Variants in HMGA2 observed in about 807,000 individuals in gnomAD.
HMGA2 encodes the protein high mobility group AT-hook 2, also known as high mobility group protein HMGI-C.
Under a neutral mutation model 19.1 loss-of-function variants are expected in HMGA2, and 8 were observed. The ratio of observed to expected loss-of-function variants is 0.42; its 90% CI spans 0.25 to 0.76. The LOEUF (loss-of-function observed/expected upper bound fraction) is 0.76. Among genes scored for constraint, HMGA2 ranks in the 30% least tolerant of loss-of-function variants. The pLI is 0.28. For missense variants in HMGA2, 109 were observed against 136.3 expected (o/e 0.80, Z 1.00); for synonymous variants, 60 against 48.8 (o/e 1.23, Z -0.96).
At position 65,881,848 on chromosome 12, in the gene HMGA2, C is replaced by T. The variant is rs1426099074; in HGVS notation, c.249+43279C>T. The T allele has an allele frequency of 1.4e-5, 10 of 703,044 alleles. No individual in the cohort carries two copies. The African/African-American group carries it at 1.6e-4, about 11-fold the overall frequency. The allele number at this position is 703,044 out of a possible 1,614,324, so 43.6% of individuals were successfully genotyped here. A position where few individuals can be genotyped will look rare whatever the true frequency, so the allele number is the denominator to read the frequency against. On this transcript the variant is annotated intron_variant, in intron 3 of 4. Coordinates refer to ENST00000403681, the MANE Select transcript of HMGA2 (RefSeq NM_003483.6). ...CAGACACATTCCCTTCCTTGAACTG[C>T]ACTCTTTTCCCTTGCACTCAGAGGT...
intron 3 of HMGA2, among the ~76,000 whole-genome samples, chr12:65,926,625 A>G (rs1875514059): frequency 6.6e-6 from 1 of 152,266 alleles, no homozygotes; most frequent in African/African-American, 2.4e-5. Flanking sequence ...AAAGTTGTTT[A>G]ATCATTAAAC....
In HMGA2 at chr12:65,824,713, T is replaced by TTCTCTCTCTCTCTG. The variant is rs1870023987; in HGVS notation, c.-545_-544insGTCTCTCTCTCTCT. 8 of 145,148 alleles carry TTCTCTCTCTCTCTG rather than the reference T, an allele frequency of 5.5e-5. No homozygotes were observed. The highest frequency in any genetic ancestry group is 2.7e-4 in the African/African-American group (8 of 29,330). 9.0% of individuals were successfully genotyped at this position (145,148 alleles called of 1,614,324 possible). Reference sequence around the variant, plus strand: ...CCAAGGCACTTTCAATCTCAATCTCTTCTCTCTCTCTCTCTCTCTCTCTCT... The same window carrying TTCTCTCTCTCTCTG: ...CCAAGGCACTTTCAATCTCAATCTCTTCTCTCTCTCTCTGTCTCTCTCTCTCTCTCTCTCTCTCT... On this transcript the variant is annotated 5_prime_UTR_variant, in exon 1 of 5. Transcript: ENST00000403681.
intron 3 of HMGA2, among the ~76,000 whole-genome samples, chr12:65,862,115 G>A (rs997424906): frequency 6.6e-6 from 1 of 152,066 alleles, no homozygotes; most frequent in African/African-American, 2.4e-5. Flanking sequence ...AAAGTGCTGG[G>A]ATTACAGGTG....
At position 65,881,833 on chromosome 12, in the gene HMGA2, CCCTT is replaced by C. The variant is rs1249242250; in HGVS notation, c.249+43269_249+43272del. 4 of 702,934 alleles carry C rather than the reference CCCTT, an allele frequency of 5.7e-6. No homozygotes were observed. The Admixed American group carries it at 8.0e-5, about 14-fold the overall frequency. 43.5% of individuals were successfully genotyped at this position (702,934 alleles called of 1,614,324 possible). A position where few individuals can be genotyped will look rare whatever the true frequency, so the allele number is the denominator to read the frequency against. On this transcript the variant is annotated intron_variant, in intron 3 of 4. Coordinates refer to ENST00000403681, the MANE Select transcript of HMGA2 (RefSeq NM_003483.6). ...CAAGTGGTGGGATGACAGACACATT[CCCTT>C]CCTTGAACTGCACTCTTTTCCCTTG...
chr12:65,917,083 G>A (rs1234206433), intron 3 of HMGA2, among the ~76,000 whole-genome samples: 1 of 152,204 alleles, frequency 6.6e-6, no homozygotes, highest in East Asian at 1.9e-4. Context: ...TCTGAGTATA[G>A]GTGGTAATTG....
intron 3 of HMGA2, among the ~76,000 whole-genome samples, chr12:65,880,614 A>C (rs1227650942): frequency 1.3e-5 from 2 of 152,250 alleles, no homozygotes; most frequent in South Asian, 2.1e-4. Flanking sequence ...AGTTAGAAGT[A>C]CTAGTTCAGT....
rs147425989 is a variant in HMGA2, at chr12:65,836,015, C to T, written c.199-2504C>T. 2.0e-5 allele frequency among the ~76,000 whole-genome samples: 3 copies of T among 152,262 alleles called. No individual in the cohort carries two copies. In the East Asian group the frequency reaches 5.8e-4, roughly 29 times the overall value. On this transcript the variant is annotated intron_variant, in intron 2 of 4. Coordinates refer to ENST00000403681, the MANE Select transcript of HMGA2 (RefSeq NM_003483.6). ...TCACTATGCAATAGCCAAAGGGATC[C>T]TTAAAAGCCTCATTCTAAAGGTGAC...
At chr12:65,849,734 G>GTTTTTT (rs1309933646) in intron 3 of HMGA2, among the ~76,000 whole-genome samples, 1 of 102,034 alleles carries the variant, frequency 9.8e-6, no homozygotes, top group Non-Finnish European at 1.7e-5. Context: ...GGTAGGCTCT[G>GTTTTTT]TATTTTTTTT....
chr12:65,907,426 A>G (rs979694594), intron 3 of HMGA2, among the ~76,000 whole-genome samples: 1 of 151,660 alleles, frequency 6.6e-6, no homozygotes, highest in Non-Finnish European at 1.5e-5. Flanking sequence ...AAAAAAAAAA[A>G]AAAAAGGTGG....
chr12:65,934,186 T>C (rs1047423461), intron 3 of HMGA2, among the ~76,000 whole-genome samples: 1 of 152,252 alleles, frequency 6.6e-6, no homozygotes, highest in African/African-American at 2.4e-5. Context: ...CATTGCGAGA[T>C]ATTATTCCAT....
chr12:65,900,167 C>T (rs1052076752), intron 3 of HMGA2, among the ~76,000 whole-genome samples: 8 of 152,004 alleles, frequency 5.3e-5, no homozygotes, highest in Non-Finnish European at 1.0e-4. Flanking sequence ...ACGATTTGTT[C>T]GAATTGAGGT....
intron 3 of HMGA2, chr12:65,842,244 A>G (rs751542687): frequency 1.7e-6 from 1 of 579,402 alleles, no homozygotes; most frequent in South Asian, 1.5e-5. Context: ...CAGTTTCCTC[A>G]TCTGCAAAAG....
intron 3 of HMGA2, among the ~76,000 whole-genome samples, chr12:65,936,073 A>G (rs960875932): frequency 2.6e-5 from 4 of 152,230 alleles, no homozygotes; most frequent in African/African-American, 7.2e-5. Flanking sequence ...CCATTCACAA[A>G]TGGAATCTGT....
At chr12:65,931,551 T>TTGTGTG (rs60877869) in intron 3 of HMGA2, among the ~76,000 whole-genome samples, 4,351 of 144,192 alleles carry the variant, frequency 0.03, 87 homozygotes, top group South Asian at 0.064. Context: ...TTATAGATGT[T>TTGTGTG]TGTGTGTGTG....
chr12:65,893,299 A>G (rs1035696146), intron 3 of HMGA2, among the ~76,000 whole-genome samples: 1 of 152,214 alleles, frequency 6.6e-6, no homozygotes, highest in Non-Finnish European at 1.5e-5. Context: ...AACCTAAGGC[A>G]TTTAGTTTCA....
chr12:65,883,298 T>C (rs1049957123), intron 3 of HMGA2, among the ~76,000 whole-genome samples: 1 of 152,206 alleles, frequency 6.6e-6, no homozygotes, highest in Non-Finnish European at 1.5e-5. Flanking sequence ...TAGCAACAGA[T>C]ACTCCAAAAG....
Position 65,843,051 on chromosome 12 carries a change from A to C in HMGA2, c.249+4482A>C, listed in dbSNP as rs1871071301. On this transcript the variant is annotated intron_variant, in intron 3 of 4. Transcript: ENST00000403681. ...TACTTTTAGGTGTTTTGTTCTCAGA[A>C]TATTTTAAAAGAAAGGAAATTAACA... 4 of 263,960 alleles carry C rather than the reference A, an allele frequency of 1.5e-5. No individual in the cohort carries two copies. The South Asian group carries it at 6.5e-4, about 43-fold the overall frequency. 16.4% of individuals were successfully genotyped at this position (263,960 alleles called of 1,614,324 possible).
chr12:65,915,593 A>G (rs1875069830), intron 3 of HMGA2: 1 of 1,038,690 alleles, frequency 9.6e-7, no homozygotes, highest in Non-Finnish European at 1.2e-6. Flanking sequence ...TTCCATTGGT[A>G]TTTTCCTGTG....
chr12:65,844,067 AAAG>A (rs1871134965), intron 3 of HMGA2, among the ~76,000 whole-genome samples: 1 of 151,898 alleles, frequency 6.6e-6, no homozygotes, highest in Admixed American at 6.6e-5. Flanking sequence ...AAAAAAAAAA[AAAG>A]AAATATATAA....
Sources: allele counts gnomAD v4.1 joint callset (sites outside exome capture counted in the v4.1 genomes callset), GRCh38; gene constraint gnomAD v4.1.1; transcripts MANE v1.5; gene names NCBI Gene and HGNC (gene_info 2026-07-23, HGNC 2026-07-21).